Variants in TCERG1L observed in about 807,000 individuals in gnomAD.
TCERG1L encodes transcription elongation regulator 1-like protein.
TCERG1L carries 37 observed loss-of-function variants against 56.3 expected under a neutral mutation model. The ratio of observed to expected loss-of-function variants is 0.66; its 90% CI spans 0.51 to 0.87. The LOEUF (loss-of-function observed/expected upper bound fraction) is 0.87, where lower values mean the gene tolerates loss of function less well. Among genes scored for constraint, TCERG1L ranks in the 40% least tolerant of loss-of-function variants. TCERG1L has a pLI of 0.00. For synonymous variants in TCERG1L, 324 were observed against 326.3 expected, an observed-to-expected ratio of 0.99 and a Z score of 0.08; for missense variants, 799 against 774.2, an observed-to-expected ratio of 1.03 and a Z score of -0.38.
Position 131,259,271 on chromosome 10 carries a change from G to A in TCERG1L, c.856+988C>T, listed in dbSNP as rs1283555149. On this transcript the variant is annotated intron_variant, in intron 4 of 11. Coordinates refer to ENST00000368642, the MANE Select transcript of TCERG1L (RefSeq NM_174937.4). ...CATAAAGTAGTAGGTATATATTTAT[G>A]TGTGTGTGTGTCTATCACAGTCTAG... 2.6e-5 allele frequency among the ~76,000 whole-genome samples: 4 copies of A among 152,232 alleles called. No homozygotes were observed. The East Asian group carries it at 7.7e-4, about 29-fold the overall frequency.
intron 4 of TCERG1L, among the ~76,000 whole-genome samples, chr10:131,259,221 G>A (rs749432960): frequency 6.6e-6 from 1 of 152,174 alleles, no homozygotes; most frequent in East Asian, 1.9e-4. Flanking sequence ...GGAAAGTCAT[G>A]GAACTAGGCT....
At chr10:131,169,932 T>A (rs1258731804) in intron 4 of TCERG1L, among the ~76,000 whole-genome samples, 1 of 123,468 alleles carries the variant, frequency 8.1e-6, no homozygotes, top group Non-Finnish European at 1.6e-5. Context: ...TTGAAAACAG[T>A]TGATCTTGTA....
At chr10:131,156,775 C>T (rs931319912) in intron 6 of TCERG1L, among the ~76,000 whole-genome samples, 2 of 152,120 alleles carry the variant, frequency 1.3e-5, no homozygotes, top group African/African-American at 4.8e-5. Context: ...CCTGCTTGCT[C>T]AATCGATCAC....
intron 4 of TCERG1L, among the ~76,000 whole-genome samples, chr10:131,195,140 G>A (rs2033791): frequency 0.11 from 16,493 of 152,236 alleles, 1,213 homozygotes; most frequent in East Asian, 0.22. Context: ...TGGGAAGCAG[G>A]TGAATATTTT....
At chr10:131,221,117 G>T (rs959411096) in intron 4 of TCERG1L, among the ~76,000 whole-genome samples, 1 of 152,228 alleles carries the variant, frequency 6.6e-6, no homozygotes, top group Admixed American at 6.5e-5. Context: ...CCCCACGCCT[G>T]CCCCCAAGGA....
At chr10:131,125,697 A>G (rs10829908) in intron 8 of TCERG1L, among the ~76,000 whole-genome samples, 101,691 of 152,120 alleles carry the variant, frequency 0.67, 34,527 homozygotes, top group East Asian at 0.88. Flanking sequence ...CGGTTCCGCC[A>G]GCTCTGCTCT....
intron 4 of TCERG1L, among the ~76,000 whole-genome samples, chr10:131,248,840 C>T (rs1388920124): frequency 6.6e-6 from 1 of 152,196 alleles, no homozygotes; most frequent in Non-Finnish European, 1.5e-5. Flanking sequence ...TCACAGCCCC[C>T]CCAACCGGTG....
Position 131,301,802 on chromosome 10 carries a change from TAAAAG to T in TCERG1L, c.670+6404_670+6408del, listed in dbSNP as rs1373975539. Among the ~76,000 whole-genome samples, 6 of 151,824 alleles carry T rather than the reference TAAAAG, an allele frequency of 4.0e-5. No individual in the cohort carries two copies. In the East Asian group the frequency reaches 7.7e-4, roughly 20 times the overall value. ...ATAAAAACAGAATAAATCAAAAGAATAAAAGAAAATAAAAAAGCAGAATGTAACAA... is the reference window on the plus strand; with the variant it reads ...ATAAAAACAGAATAAATCAAAAGAATAAAATAAAAAAGCAGAATGTAACAA... On this transcript the variant is annotated intron_variant, in intron 3 of 11. Transcript: ENST00000368642.
chr10:131,260,495 G>A lies in TCERG1L; in HGVS notation c.671-51C>T. ...AGCAAGGGGACGACCAGGGCCATGG[G>A]TGACAGATGCCCATCTCGCTACCGC... On this transcript the variant is annotated intron_variant, in intron 3 of 11. Coordinates refer to ENST00000368642, the MANE Select transcript of TCERG1L (RefSeq NM_174937.4). The surrounding 1 kb of genome is among the most constrained non-coding windows in gnomAD (Gnocchi z 5.8). The A allele has an allele frequency of 3.7e-6, 5 of 1,346,008 alleles. No individual in the cohort carries two copies. The highest frequency in any genetic ancestry group is 4.8e-6 in the Non-Finnish European group (5 of 1,045,218). 83.4% of individuals were successfully genotyped at this position (1,346,008 alleles called of 1,614,324 possible). A position where few individuals can be genotyped will look rare whatever the true frequency, so the allele number is the denominator to read the frequency against.
intron 4 of TCERG1L, among the ~76,000 whole-genome samples, chr10:131,215,294 G>GAGA (rs1451156295): frequency 6.6e-6 from 1 of 152,254 alleles, no homozygotes; most frequent in Non-Finnish European, 1.5e-5. Context: ...CGGCTCATGA[G>GAGA]AGAAGATAGT....
chr10:131,115,572 ACG>A (rs1236754543), intron 9 of TCERG1L, among the ~76,000 whole-genome samples: 1 of 59,450 alleles, frequency 1.7e-5, no homozygotes, highest in Non-Finnish European at 4.3e-5. Context: ...CAGGCCTGAC[ACG>A]GGGTATTGCA....
intron 3 of TCERG1L, among the ~76,000 whole-genome samples, chr10:131,281,382 G>A (rs908927113): frequency 6.6e-6 from 1 of 151,972 alleles, no homozygotes; most frequent in Non-Finnish European, 1.5e-5. Context: ...TAGATCAAAG[G>A]AGATTCAAGG....
intron 3 of TCERG1L, among the ~76,000 whole-genome samples, chr10:131,285,631 C>T (rs10741249): frequency 0.75 from 112,193 of 150,412 alleles, 43,215 homozygotes; most frequent in Non-Finnish European, 0.82. Context: ...GGACTAAAGA[C>T]GCTAAACGCT....
chr10:131,271,363 G>A (rs1846338438), intron 3 of TCERG1L, among the ~76,000 whole-genome samples: 1 of 152,184 alleles, frequency 6.6e-6, no homozygotes, highest in African/African-American at 2.4e-5. Context: ...TCCTCTCTGG[G>A]CAAACCCTAG....
chr10:131,202,901 T>C (rs1317927276), intron 4 of TCERG1L, among the ~76,000 whole-genome samples: 1 of 152,232 alleles, frequency 6.6e-6, no homozygotes, highest in African/African-American at 2.4e-5. Context: ...AATAATTAAG[T>C]CTGCCGTCTG....
chr10:131,213,136 C>G (rs968671840), intron 4 of TCERG1L, among the ~76,000 whole-genome samples: 4 of 152,260 alleles, frequency 2.6e-5, no homozygotes, highest in African/African-American at 7.2e-5. Flanking sequence ...TGAGGACTGG[C>G]TGCAGCCCCC....
chr10:131,279,585 C>G (rs542511221), intron 3 of TCERG1L, among the ~76,000 whole-genome samples: 13 of 152,250 alleles, frequency 8.5e-5, no homozygotes, highest in Middle Eastern at 3.4e-3. Flanking sequence ...ATCCAAGGCG[C>G]CCAGATGAAG....
At chr10:131,148,567 T>TAAAC (rs879342403) in intron 6 of TCERG1L, among the ~76,000 whole-genome samples, 2 of 146,176 alleles carry the variant, frequency 1.4e-5, no homozygotes, top group African/African-American at 2.6e-5. Flanking sequence ...GAAACACACA[T>TAAAC]ACACACAAAT....
chr10:131,189,471 C>A (rs1023327473), intron 4 of TCERG1L, among the ~76,000 whole-genome samples: 4 of 152,192 alleles, frequency 2.6e-5, no homozygotes, highest in Non-Finnish European at 5.9e-5. Flanking sequence ...AACTTGATGA[C>A]CTCCAGTTCC....
Sources: allele counts gnomAD v4.1 joint callset (sites outside exome capture counted in the v4.1 genomes callset), GRCh38; gene constraint gnomAD v4.1.1; non-coding constraint Gnocchi (gnomAD v3.1); transcripts MANE v1.5; gene names NCBI Gene and HGNC (gene_info 2026-07-23, HGNC 2026-07-21).